The following IFITM10 variants were observed in gnomAD, a reference collection of about 807,000 sequenced individuals.
IFITM10 encodes the protein interferon-induced transmembrane protein 10.
IFITM10 carries 17 observed loss-of-function variants against 19.0 expected under a neutral mutation model. The ratio of observed to expected loss-of-function variants is 0.90; its 90% CI spans 0.61 to 1.34. The LOEUF (loss-of-function observed/expected upper bound fraction) is 1.34, where lower values mean the gene tolerates loss of function less well. Ranked by LOEUF, IFITM10 falls within the 40% of genes most tolerant of loss-of-function variation. The probability of loss-of-function intolerance (pLI) is 0.00; values close to 1 mark genes in which losing one functional copy is unlikely to be tolerated. For missense variants in IFITM10, 306 were observed against 319.8 expected, an observed-to-expected ratio of 0.96 and a Z score of 0.33; for synonymous variants, 148 against 147.2, an observed-to-expected ratio of 1.01 and a Z score of -0.04.
intron 2 of IFITM10, chr11:1,746,369 T>C (rs1465988822): frequency 1.0e-5 from 4 of 395,152 alleles, no homozygotes; most frequent in Non-Finnish European, 1.3e-5. Context: ...CACAAAAATA[T>C]ATGTACACAC....
rs549618455 is a variant in IFITM10 at position 1,741,374 on chromosome 11, T to TG, written c.538-5946dup. Among the ~76,000 whole-genome samples, 859 of 149,442 alleles carry TG rather than the reference T, an allele frequency of 5.7e-3. 4 individuals are homozygous for TG. The highest frequency in any genetic ancestry group is 8.5e-3 in the Non-Finnish European group (572 of 67,248). On this transcript the variant is annotated intron_variant, in intron 2 of 2. Coordinates refer to ENST00000340134, the MANE Select transcript of IFITM10 (RefSeq NM_001170820.4). ...ATGGGCTGAAAAGTACAAGCAGAGG[T>TG]GGGACATAGAGGATGAGGCAGCCAT...
chr11:1,745,935 T>G (rs1845639340), intron 2 of IFITM10: 1 of 144,034 alleles, frequency 6.9e-6, no homozygotes, highest in Admixed American at 6.9e-5. Context: ...CCACACACAC[T>G]TGTGCACACA....
intron 1 of IFITM10, among the ~76,000 whole-genome samples, chr11:1,749,565 C>T (rs527593569): frequency 3.4e-4 from 51 of 152,082 alleles, no homozygotes; most frequent in Non-Finnish European, 5.7e-4. Flanking sequence ...GCGCCTGGGC[C>T]CTGCTGCCTC....
rs1374195777 is a variant in IFITM10, at chr11:1,732,972, C to T, written c.*2308G>A. The T allele has an allele frequency of 7.2e-5, 11 of 152,214 alleles. No individual in the cohort carries two copies. In the East Asian group the frequency reaches 1.7e-3, roughly 24 times the overall value. The allele number at this position is 152,214 out of a possible 1,614,324, so 9.4% of individuals were successfully genotyped here. On this transcript the variant is annotated 3_prime_UTR_variant, in exon 3 of 3. Transcript: ENST00000340134. ...AAAGCATTTGCCCCTCTACTTTCTTCCCTCCCAGGCATAACATGGAAGACA... is the reference window on the plus strand; with the variant it reads ...AAAGCATTTGCCCCTCTACTTTCTTTCCTCCCAGGCATAACATGGAAGACA...
At chr11:1,748,610 G>C (rs1186633424) in intron 1 of IFITM10, 1 of 135,118 alleles carries the variant, frequency 7.4e-6, no homozygotes, top group Non-Finnish European at 1.7e-5. Context: ...TCCACCGCGG[G>C]CTGCACCGCG....
chr11:1,736,349 G>C (rs1851086655), intron 2 of IFITM10, among the ~76,000 whole-genome samples: 1 of 152,160 alleles, frequency 6.6e-6, no homozygotes, highest in South Asian at 2.1e-4. Flanking sequence ...GATGGACAGA[G>C]GATAGATGTG....
intron 2 of IFITM10, among the ~76,000 whole-genome samples, chr11:1,741,456 C>A (rs1050258945): frequency 6.6e-6 from 1 of 151,334 alleles, no homozygotes; most frequent in African/African-American, 2.4e-5. Flanking sequence ...AGGAGGAGAG[C>A]GGGAGAGAGA....
At chr11:1,739,053 CAAAAAAAAAA>C (rs71025777) in intron 2 of IFITM10, among the ~76,000 whole-genome samples, 23 of 42,106 alleles carry the variant, frequency 5.5e-4, no homozygotes, top group African/African-American at 2.8e-3. Context: ...GACTCCGTCT[CAAAAAAAAAA>C]AAAAAAAAAA....
At chr11:1,743,593 G>C (rs999665320) in intron 2 of IFITM10, among the ~76,000 whole-genome samples, 1 of 152,030 alleles carries the variant, frequency 6.6e-6, no homozygotes, top group African/African-American at 2.4e-5. Context: ...GGAGTGAGTG[G>C]GTGAGTGTGT....
At chr11:1,742,669 T>C (rs1190685384) in intron 2 of IFITM10, among the ~76,000 whole-genome samples, 1 of 152,158 alleles carries the variant, frequency 6.6e-6, no homozygotes, top group East Asian at 1.9e-4. Flanking sequence ...AGTGGGCAAT[T>C]ACTGAGAAAG....
chr11:1,740,379 G>A (rs948439266), intron 2 of IFITM10, among the ~76,000 whole-genome samples: 4 of 151,920 alleles, frequency 2.6e-5, no homozygotes, highest in Non-Finnish European at 4.4e-5. Context: ...AGGGGAGGGT[G>A]AGGGTGGCTT....
At chr11:1,739,440 G>A (rs1441989568) in intron 2 of IFITM10, among the ~76,000 whole-genome samples, 1 of 152,222 alleles carries the variant, frequency 6.6e-6, no homozygotes, top group African/African-American at 2.4e-5. Flanking sequence ...GCTCTGAGTA[G>A]TTGCTGTTCT....
intron 2 of IFITM10, 95 bp from the exon 3 acceptor site, chr11:1,735,524 A>G: frequency 9.0e-7 from 1 of 1,111,848 alleles, no homozygotes. Flanking sequence ...CACAGTGCTC[A>G]GCACAGTACC....
chr11:1,746,410 T>C (rs16927544), intron 2 of IFITM10: 6 of 185,288 alleles, frequency 3.2e-5, no homozygotes, highest in Non-Finnish European at 4.6e-5. Context: ...CATGCACACA[T>C]AGTTACACTC....
intron 1 of IFITM10, chr11:1,749,087 G>A: frequency 8.7e-7 from 1 of 1,145,268 alleles, no homozygotes; most frequent in Non-Finnish European, 1.1e-6. Context: ...CGTCCCGCGG[G>A]CCGCTGTCTG....
At chr11:1,745,328 GCA>G (rs1406340967) in intron 2 of IFITM10, 1 of 152,318 alleles carries the variant, frequency 6.6e-6, no homozygotes, top group East Asian at 1.9e-4. Flanking sequence ...TGTTGGCAGG[GCA>G]CAGAGAGAGG....
At chr11:1,740,039 C>A (rs191717370) in intron 2 of IFITM10, among the ~76,000 whole-genome samples, 3 of 152,100 alleles carry the variant, frequency 2.0e-5, no homozygotes, top group Non-Finnish European at 4.4e-5. Flanking sequence ...TGGTGGCTCA[C>A]GCCTGTAATC....
At position 1,747,688 on chromosome 11, in the gene IFITM10, G is replaced by A. The variant is rs1434153236; in HGVS notation, c.516C>T (p.Ile172=). 8.4e-6 allele frequency: 13 copies of A among 1,551,746 alleles called. No individual in the cohort carries two copies. The East Asian group carries it at 9.8e-5, about 12-fold the overall frequency. Residue 172 remains isoleucine, a synonymous_variant, in exon 2 of 3, where the codon ATC becomes ATT. Coordinates refer to ENST00000340134, the MANE Select transcript of IFITM10 (RefSeq NM_001170820.4). ...VYLNFCCLGF[I]ALAYSLKVRD... ...TCACTTTGAGGGAGTAGGCCAAGGC[G>A]ATGAAGCCCAGGCAGCAGAAGTTGA...
chr11:1,742,010 G>A (rs113008933), intron 2 of IFITM10, among the ~76,000 whole-genome samples: 1,784 of 152,270 alleles, frequency 0.012, 37 homozygotes, highest in African/African-American at 0.04. Context: ...TCGAGCCTCC[G>A]GAACAGTGAG....
Sources: allele counts gnomAD v4.1 joint callset (sites outside exome capture counted in the v4.1 genomes callset), GRCh38; gene constraint gnomAD v4.1.1; transcripts MANE v1.5; gene names NCBI Gene and HGNC (gene_info 2026-07-23, HGNC 2026-07-21).